Variants in SOX6 observed in about 807,000 individuals in gnomAD.
SOX6 encodes SRY-box transcription factor 6, also known as transcription factor SOX-6.
SOX6 carries 11 observed loss-of-function variants against 97.8 expected under a neutral mutation model. That is an observed-to-expected ratio of 0.11 (90% CI 0.07 to 0.19). The LOEUF is 0.19. SOX6 is among the 10% of genes least tolerant of loss of function. The pLI, the probability that SOX6 is intolerant of heterozygous loss-of-function variation, is 1.00. For synonymous variants in SOX6, 360 were observed against 371.4 expected, an observed-to-expected ratio of 0.97 and a Z score of 0.35; for missense variants, 810 against 1,039.5, an observed-to-expected ratio of 0.78 and a Z score of 3.04.
rs115874299 is a variant in SOX6, at chr11:16,125,983, C to T, written c.778-14060G>A. 8.5e-3 allele frequency among the ~76,000 whole-genome samples: 1,299 copies of T among 152,056 alleles called. 19 individuals carry two copies. Among genetic ancestry groups the T allele is most frequent in the African/African-American group, 0.03 (1,235 of 41,508 alleles). On this transcript the variant is annotated intron_variant, in intron 6 of 15. Transcript: ENST00000683767. ...ATTTTTCCTATTGGAAATTAGGATACAAGGAAAGAAGAAGTGTAGAAGCAT... is the reference window on the plus strand; with the variant it reads ...ATTTTTCCTATTGGAAATTAGGATATAAGGAAAGAAGAAGTGTAGAAGCAT...
chr11:16,468,118 T>C (rs1054003466), intron 1 of SOX6, among the ~76,000 whole-genome samples: 1 of 152,202 alleles, frequency 6.6e-6, no homozygotes, highest in Non-Finnish European at 1.5e-5. Context: ...TTGTTTCCAA[T>C]CTCAAGTTAA....
At chr11:16,322,644 T>C (rs1332199527) in intron 2 of SOX6, among the ~76,000 whole-genome samples, 1 of 152,190 alleles carries the variant, frequency 6.6e-6, no homozygotes, top group African/African-American at 2.4e-5. Context: ...CAAGCTTCAA[T>C]GTGTAGAATT....
At chr11:16,521,479 G>A (rs2133161092) in intron 4 of SOX6, among the ~76,000 whole-genome samples, 1 of 152,256 alleles carries the variant, frequency 6.6e-6, no homozygotes, top group Middle Eastern at 3.4e-3. Flanking sequence ...AAACCCATCT[G>A]TACATCACCA....
At chr11:16,233,070 G>A (rs1852907746) in intron 4 of SOX6, among the ~76,000 whole-genome samples, 1 of 152,082 alleles carries the variant, frequency 6.6e-6, no homozygotes, top group South Asian at 2.1e-4. Context: ...TGACATGCCT[G>A]AAAACTAGGA....
intron 15 of SOX6, among the ~76,000 whole-genome samples, chr11:15,981,991 G>A (rs1334800642): frequency 6.6e-6 from 1 of 151,934 alleles, no homozygotes; most frequent in Non-Finnish European, 1.5e-5. Flanking sequence ...GTTAGAGAGA[G>A]ATTAAATGTT....
At chr11:16,359,527 T>C (rs1362522681), upstream of SOX6, among the ~76,000 whole-genome samples, 1 of 152,162 alleles carries the variant, frequency 6.6e-6, no homozygotes, top group African/African-American at 2.4e-5. Flanking sequence ...GTATATATGT[T>C]TATGCTCCTG....
At chr11:16,422,288 A>G (rs1467872853) in intron 1 of SOX6, among the ~76,000 whole-genome samples, 2 of 152,204 alleles carry the variant, frequency 1.3e-5, no homozygotes, top group South Asian at 2.1e-4. Context: ...GTCTCTTAAC[A>G]ATGGATATAA....
intron 3 of SOX6, among the ~76,000 whole-genome samples, chr11:16,269,137 T>G (rs1854168320): frequency 6.6e-6 from 1 of 150,802 alleles, no homozygotes; most frequent in Non-Finnish European, 1.5e-5. Context: ...GGCTACCGCA[T>G]TTGAATTTAA....
chr11:16,409,100 T>C (rs1858742909), intron 1 of SOX6, among the ~76,000 whole-genome samples: 1 of 152,148 alleles, frequency 6.6e-6, no homozygotes, highest in African/African-American at 2.4e-5. Context: ...ATATCTTCCC[T>C]AACCAATGCC....
chr11:16,702,919 C>CAT (rs1010824815), intron 3 of SOX6, among the ~76,000 whole-genome samples: 59 of 148,336 alleles, frequency 4.0e-4, no homozygotes, highest in Admixed American at 1.0e-3. Flanking sequence ...TATAATTATT[C>CAT]ATATATATAT....
intron 3 of SOX6, among the ~76,000 whole-genome samples, chr11:16,692,072 T>TGC (rs1345371467): frequency 4.1e-4 from 53 of 129,480 alleles, no homozygotes; most frequent in African/African-American, 1.4e-3. Context: ...TGTGTGTGTG[T>TGC]GTGTGTGTGT....
At chr11:16,470,263 C>A (rs1860116992) in intron 1 of SOX6, among the ~76,000 whole-genome samples, 2 of 152,066 alleles carry the variant, frequency 1.3e-5, no homozygotes, top group Non-Finnish European at 2.9e-5. Flanking sequence ...TATTTACCTG[C>A]TCTATGTCAA....
At chr11:16,270,441 C>A (rs1854217760) in intron 3 of SOX6, among the ~76,000 whole-genome samples, 1 of 151,328 alleles carries the variant, frequency 6.6e-6, no homozygotes. Context: ...AACAGTTTTG[C>A]AATTCCTCAA....
chr11:16,085,693 A>G (rs755492055), intron 9 of SOX6, among the ~76,000 whole-genome samples: 1 of 152,170 alleles, frequency 6.6e-6, no homozygotes, highest in African/African-American at 2.4e-5. Context: ...TATCCAATAC[A>G]TTACTGTGAA....
chr11:16,705,890 C>G (rs1848128728), intron 3 of SOX6, among the ~76,000 whole-genome samples: 1 of 150,116 alleles, frequency 6.7e-6, no homozygotes, highest in Non-Finnish European at 1.5e-5. Flanking sequence ...TAGAACATAT[C>G]TAATTAACAT....
intron 6 of SOX6, among the ~76,000 whole-genome samples, chr11:16,180,525 G>C (rs1316363445): frequency 6.6e-6 from 1 of 151,628 alleles, no homozygotes; most frequent in African/African-American, 2.4e-5. Flanking sequence ...CATATCAGGA[G>C]AATTACTTCA....
intron 1 of SOX6, among the ~76,000 whole-genome samples, chr11:16,437,391 A>G (rs1306906652): frequency 2.0e-5 from 3 of 152,062 alleles, no homozygotes; most frequent in Non-Finnish European, 2.9e-5. Flanking sequence ...CCCCATACCC[A>G]ACCCCACTAG....
chr11:16,233,312 A>G (rs2134173973), intron 4 of SOX6, among the ~76,000 whole-genome samples: 1 of 152,274 alleles, frequency 6.6e-6, no homozygotes, highest in East Asian at 1.9e-4. Flanking sequence ...CATAATGCAA[A>G]AATAATAATA....
chr11:16,645,340 G>A (rs963609721), intron 3 of SOX6, among the ~76,000 whole-genome samples: 1 of 152,146 alleles, frequency 6.6e-6, no homozygotes, highest in African/African-American at 2.4e-5. Flanking sequence ...CAGGTTCCTA[G>A]AATAGTTTTT....
Sources: allele counts gnomAD v4.1 joint callset (sites outside exome capture counted in the v4.1 genomes callset), GRCh38; gene constraint gnomAD v4.1.1; transcripts MANE v1.5; gene names NCBI Gene and HGNC (gene_info 2026-07-23, HGNC 2026-07-21).